LRRC7: variants seen among roughly 807,000 people sequenced by gnomAD.
LRRC7 encodes the protein leucine rich repeat containing 7.
A neutral mutation model predicts 175.7 loss-of-function variants in LRRC7; 23 were observed. The ratio of observed to expected loss-of-function variants is 0.13; its 90% CI spans 0.09 to 0.19. The LOEUF (loss-of-function observed/expected upper bound fraction) is 0.19. Ranked by LOEUF, LRRC7 falls within the 10% of genes least tolerant of loss-of-function variation. The pLI, the probability that LRRC7 is intolerant of heterozygous loss-of-function variation, is 1.00. For missense variants in LRRC7, 1,354 were observed against 1,904.7 expected (o/e 0.71, Z 5.38); for synonymous variants, 685 against 680.9 (o/e 1.01, Z -0.09).
intron 2 of LRRC7, among the ~76,000 whole-genome samples, chr1:69,743,829 A>G (rs1012388513): frequency 6.6e-6 from 1 of 151,938 alleles, no homozygotes; most frequent in African/African-American, 2.4e-5. Flanking sequence ...TTACTGAGGA[A>G]AACAGTTTTA....
chr1:70,130,963 G>A lies in LRRC7; in HGVS notation c.*9076G>A, dbSNP rs1440914507. ...CAGGCTGTTGGCCACAGTTGAGCAT[G>A]ACAATGTTTACACACTGCATTTTGG... On this transcript the variant is annotated 3_prime_UTR_variant, in exon 27 of 27. Transcript: ENST00000651989. 2.0e-5 allele frequency among the ~76,000 whole-genome samples: 3 copies of A among 152,116 alleles called. No individual in the cohort carries two copies. Among genetic ancestry groups the A allele is most frequent in the African/African-American group, 7.2e-5 (3 of 41,426 alleles).
At chr1:69,863,270 A>C (rs898486321) in intron 7 of LRRC7, among the ~76,000 whole-genome samples, 18 of 152,306 alleles carry the variant, frequency 1.2e-4, no homozygotes. Flanking sequence ...ATGACCCTCC[A>C]ATCTAAAGTA....
chr1:69,646,917 G>T (rs760136659), intron 1 of LRRC7, among the ~76,000 whole-genome samples: 1 of 152,048 alleles, frequency 6.6e-6, no homozygotes, highest in Non-Finnish European at 1.5e-5. Context: ...CATGGGAGCT[G>T]CTTTTAGAGG....
At chr1:69,976,250 A>G (rs12048932) in intron 8 of LRRC7, among the ~76,000 whole-genome samples, 9,399 of 152,250 alleles carry the variant, frequency 0.062, 284 homozygotes, top group South Asian at 0.11. Context: ...AAGCTGAGGC[A>G]CAAGGAAGCC....
intron 7 of LRRC7, among the ~76,000 whole-genome samples, chr1:69,909,743 T>A (rs946765271): frequency 6.6e-6 from 1 of 152,144 alleles, no homozygotes; most frequent in Non-Finnish European, 1.5e-5. Context: ...TTGACAATTA[T>A]GTGTCTTGGA....
chr1:69,988,012 A>G (rs1440422802), intron 10 of LRRC7, among the ~76,000 whole-genome samples: 2 of 152,176 alleles, frequency 1.3e-5, no homozygotes, highest in Admixed American at 1.3e-4. Flanking sequence ...TGATCAGACA[A>G]ATTTAGGAAA....
chr1:69,863,499 C>A (rs1684585279), intron 7 of LRRC7, among the ~76,000 whole-genome samples: 2 of 152,130 alleles, frequency 1.3e-5, no homozygotes, highest in South Asian at 4.1e-4. Context: ...TAAATTCATT[C>A]ATTAGAGCAT....
intron 7 of LRRC7, among the ~76,000 whole-genome samples, chr1:69,913,976 TA>T (rs1646610581): frequency 2.6e-5 from 4 of 152,196 alleles, no homozygotes; most frequent in Non-Finnish European, 5.9e-5. Flanking sequence ...TTGACAGGTC[TA>T]AATCATAAAA....
Position 69,717,936 on chromosome 1 carries a change from GAAAGAAAGAAAGAAAGAAAGAAGAA to G in LRRC7, c.100+39472_100+39496del, listed in dbSNP as rs1665761712. On this transcript the variant is annotated intron_variant, in intron 2 of 26. Transcript: ENST00000651989. ...GAAAGAGAGAAAAAAAGAAAAGAAA[GAAAGAAAGAAAGAAAGAAAGAAGAA>G]AAAGAAAGAAAGAGAAAGAAAGAGG... 2.7e-5 allele frequency among the ~76,000 whole-genome samples: 2 copies of G among 72,780 alleles called. 1 individual carries two copies. Among genetic ancestry groups the G allele is most frequent in the African/African-American group, 1.3e-4 (2 of 14,880 alleles). 47.7% of individuals were successfully genotyped at this position (72,780 alleles called of 152,430 possible). A position where few individuals can be genotyped will look rare whatever the true frequency, so the allele number is the denominator to read the frequency against.
chr1:69,679,912 G>C (rs1660257093), intron 2 of LRRC7, among the ~76,000 whole-genome samples: 1 of 152,024 alleles, frequency 6.6e-6, no homozygotes, highest in Admixed American at 6.6e-5. Flanking sequence ...TTTTTTGTAA[G>C]TACAATTGTA....
At chr1:69,853,521 C>A (rs1208468797) in intron 7 of LRRC7, among the ~76,000 whole-genome samples, 1 of 152,066 alleles carries the variant, frequency 6.6e-6, no homozygotes, top group Non-Finnish European at 1.5e-5. Flanking sequence ...TTGTGATCCG[C>A]CCACCTTGGC....
At chr1:69,888,495 C>A (rs1347985380) in intron 7 of LRRC7, among the ~76,000 whole-genome samples, 3 of 152,138 alleles carry the variant, frequency 2.0e-5, no homozygotes, top group Non-Finnish European at 4.4e-5. Flanking sequence ...TGCGCGCACC[C>A]ACTGACCTGC....
At chr1:69,633,303 G>A (rs953439691) in intron 1 of LRRC7, among the ~76,000 whole-genome samples, 6 of 151,702 alleles carry the variant, frequency 4.0e-5, no homozygotes, top group African/African-American at 1.2e-4. Context: ...TTAATGTCCT[G>A]TTATTGTTAA....
intron 18 of LRRC7, among the ~76,000 whole-genome samples, 162 bp downstream of exon 18, chr1:70,028,533 A>T (rs2291777): frequency 6.6e-6 from 1 of 152,106 alleles, no homozygotes; most frequent in Non-Finnish European, 1.5e-5. Flanking sequence ...TTAATCAGTC[A>T]TAGAAAAATG....
chr1:69,637,305 G>A (rs1653543191), intron 1 of LRRC7, among the ~76,000 whole-genome samples: 1 of 151,766 alleles, frequency 6.6e-6, no homozygotes, highest in African/African-American at 2.4e-5. Flanking sequence ...GTCTCACACT[G>A]TTTTTATATT....
At chr1:69,896,900 CCT>C (rs1645996210) in intron 7 of LRRC7, among the ~76,000 whole-genome samples, 2 of 152,086 alleles carry the variant, frequency 1.3e-5, no homozygotes, top group Non-Finnish European at 2.9e-5. Flanking sequence ...CAAAGGTTAG[CCT>C]CTGAGTCTTC....
chr1:69,987,979 T>C (rs1345033471), intron 10 of LRRC7, among the ~76,000 whole-genome samples: 1 of 152,298 alleles, frequency 6.6e-6, no homozygotes, highest in South Asian at 2.1e-4. Context: ...TGTACTTTTA[T>C]TAAACATCTT....
intron 7 of LRRC7, among the ~76,000 whole-genome samples, chr1:69,928,719 C>T (rs1278999323): frequency 6.6e-6 from 1 of 152,218 alleles, no homozygotes; most frequent in African/African-American, 2.4e-5. Context: ...TCACCCCTTT[C>T]TTTGACTAGG....
Position 69,943,723 on chromosome 1 carries a change from T to G in LRRC7, c.711+12153T>G, listed in dbSNP as rs569549322. Among the ~76,000 whole-genome samples, 76 of 152,146 alleles carry G rather than the reference T, an allele frequency of 5.0e-4. No individual in the cohort carries two copies. In the Middle Eastern group the frequency reaches 0.017, roughly 34 times the overall value. ...GGATCTAGAAAGGAATTCATGCAAA[T>G]AGGGCTTTAAAGCTTAAGCTTCATT... is the stretch of plus-strand genomic sequence containing the variant. On this transcript the variant is annotated intron_variant, in intron 8 of 26. Transcript: ENST00000651989.
Sources: allele counts gnomAD v4.1 joint callset (sites outside exome capture counted in the v4.1 genomes callset), GRCh38; gene constraint gnomAD v4.1.1; transcripts MANE v1.5; gene names NCBI Gene and HGNC (gene_info 2026-07-23, HGNC 2026-07-21).